The following SWT1 variants were observed in gnomAD, a reference collection of about 807,000 sequenced individuals.
SWT1 encodes SWT1 RNA endoribonuclease homolog.
Under a neutral mutation model 107.3 loss-of-function variants are expected in SWT1, and 33 were observed. That is an observed-to-expected ratio of 0.31 (90% confidence interval 0.23 to 0.41). SWT1 has a LOEUF of 0.41. Ranked by LOEUF, SWT1 falls within the 10% of genes least tolerant of loss-of-function variation. The pLI is 1.00. For missense variants in SWT1, 898 were observed against 1,028.9 expected, an observed-to-expected ratio of 0.87 and a Z score of 1.74; for synonymous variants, 345 against 348.3, an observed-to-expected ratio of 0.99 and a Z score of 0.11.
intron 14 of SWT1, among the ~76,000 whole-genome samples, chr1:185,217,943 C>T (rs1009617078): frequency 6.6e-6 from 1 of 152,098 alleles, no homozygotes; most frequent in Non-Finnish European, 1.5e-5. Flanking sequence ...AAATAAAGTG[C>T]ACAATAAATG....
intron 14 of SWT1, among the ~76,000 whole-genome samples, chr1:185,220,249 T>G (rs1334211978): frequency 2.7e-5 from 4 of 148,664 alleles, no homozygotes; most frequent in Non-Finnish European, 6.0e-5. Context: ...CTTTCTTTCT[T>G]TTTTTTTTTG....
chr1:185,193,481 T>TTC lies in SWT1; in HGVS notation c.1523+2839_1523+2840insTC, dbSNP rs1657123932. On this transcript the variant is annotated intron_variant, in intron 10 of 18. Coordinates refer to ENST00000367500, the MANE Select transcript of SWT1 (RefSeq NM_017673.7). ...CTTTTTCTTTTCTTTTTTTTTTTTT[T>TTC]CCTGAGATGGAGTCTCACTTGGTCG... 2.0e-5 allele frequency among the ~76,000 whole-genome samples: 3 copies of TTC among 151,610 alleles called. No homozygotes were observed. In the East Asian group the frequency reaches 5.8e-4, roughly 29 times the overall value.
rs1571574061 is a variant in SWT1, at chr1:185,233,581, A to G, written c.2441+1873A>G. On this transcript the variant is annotated intron_variant, in intron 16 of 18. Coordinates refer to ENST00000367500, the MANE Select transcript of SWT1 (RefSeq NM_017673.7). The stretch of plus-strand genomic sequence containing the variant: ...ATGTACCCAGTAGTCATTCAGGAGC[A>G]GGTTGTTCACTTTCCATGTAGTTGA... Among the ~76,000 whole-genome samples, 4 of 152,124 alleles carry G rather than the reference A, an allele frequency of 2.6e-5. No individual in the cohort carries two copies. The East Asian group carries it at 5.8e-4, about 22-fold the overall frequency.
At chr1:185,237,074 T>C (rs1029468702) in intron 16 of SWT1, among the ~76,000 whole-genome samples, 18 of 152,184 alleles carry the variant, frequency 1.2e-4, no homozygotes, top group Non-Finnish European at 1.8e-4. Context: ...CTGGAGAGGA[T>C]GTGGAGAAAT....
At chr1:185,190,519 TACTG>T in intron 9 of SWT1, 26 bp from the exon 10 acceptor site, 1 of 1,269,054 alleles carries the variant, frequency 7.9e-7, no homozygotes. Context: ...CTAGTGTACT[TACTG>T]ACTGTTGCCT....
At chr1:185,187,983 G>A (rs748275892) in intron 9 of SWT1, among the ~76,000 whole-genome samples, 4 of 152,152 alleles carry the variant, frequency 2.6e-5, no homozygotes, top group African/African-American at 7.2e-5. Flanking sequence ...GTGAGCCACC[G>A]CGCCTTGCCA....
intron 14 of SWT1, among the ~76,000 whole-genome samples, chr1:185,221,299 G>A (rs1297571807): frequency 6.6e-6 from 1 of 152,058 alleles, no homozygotes; most frequent in African/African-American, 2.4e-5. Context: ...GATTATTTCA[G>A]TAACTTTCTA....
chr1:185,276,236 A>C (rs1279213384), intron 17 of SWT1, among the ~76,000 whole-genome samples: 1 of 152,156 alleles, frequency 6.6e-6, no homozygotes, highest in African/African-American at 2.4e-5. Context: ...TGTAGACCTC[A>C]ATAATCTGAA....
At position 185,217,659 on chromosome 1, in the gene SWT1, G is replaced by A. The variant is rs529150698; in HGVS notation, c.2121+3004G>A. ...TGCCCAGGCTGGAGTACAATGGCAC[G>A]ATCCCAGCTTATTGCAACCTCCACC... On this transcript the variant is annotated intron_variant, in intron 14 of 18. Coordinates refer to ENST00000367500, the MANE Select transcript of SWT1 (RefSeq NM_017673.7). Among the ~76,000 whole-genome samples the A allele has an allele frequency of 9.9e-5, 15 of 151,670 alleles. No homozygotes were observed. The South Asian group carries it at 2.7e-3, about 27-fold the overall frequency.
At chr1:185,253,677 C>G (rs558378166) in intron 16 of SWT1, among the ~76,000 whole-genome samples, 164 of 152,094 alleles carry the variant, frequency 1.1e-3, no homozygotes, top group African/African-American at 2.8e-3. Flanking sequence ...AGGAGATTTT[C>G]GGCTGAGACG....
chr1:185,253,432 A>G (rs1486196818), intron 16 of SWT1, among the ~76,000 whole-genome samples: 1 of 151,824 alleles, frequency 6.6e-6, no homozygotes, highest in African/African-American at 2.4e-5. Flanking sequence ...ATGTTCTTCC[A>G]TTTGTTTGTA....
intron 17 of SWT1, among the ~76,000 whole-genome samples, chr1:185,275,078 A>G (rs1664147763): frequency 6.6e-6 from 1 of 152,242 alleles, no homozygotes; most frequent in Admixed American, 6.5e-5. Context: ...TACTTAAAAA[A>G]AGATCTATTA....
rs200832084 is a variant in SWT1, at chr1:185,160,944, T to C, written c.84+19T>C. 157 of 1,554,132 alleles carry C rather than the reference T, an allele frequency of 1.0e-4. No homozygotes were observed. The African/African-American group carries it at 1.7e-3, about 17-fold the overall frequency. ...TGAAAAAGTAAGAATTTTGATTTAC[T>C]GACCTAGAGATACATTTCAATTTAT... On this transcript the variant is annotated intron_variant, in intron 2 of 18. Coordinates refer to ENST00000367500, the MANE Select transcript of SWT1 (RefSeq NM_017673.7).
Position 185,166,573 on chromosome 1 carries a change from A to G in SWT1, c.86A>G (p.Asp29Gly). Reference sequence around the variant, plus strand: ...TCATTTTCTTTATTGCATTCTTAGGACAAGAAAGAGAGAAAAACCCCAGCA... The same window carrying G: ...TCATTTTCTTTATTGCATTCTTAGGGCAAGAAAGAGAGAAAAACCCCAGCA... ...TTSSPNFGEK[D>G]KKERKTPASS... The change falls in exon 3 of 19, where the codon GAC becomes GGC. Residue 29 changes from aspartate to glycine, a missense_variant and splice_region_variant. Coordinates refer to ENST00000367500, the MANE Select transcript of SWT1 (RefSeq NM_017673.7). 6.3e-7 allele frequency: 1 copy of G among 1,588,146 alleles called. No homozygotes were observed. Among genetic ancestry groups the G allele is most frequent in the Non-Finnish European group, 8.6e-7 (1 of 1,160,576 alleles).
chr1:185,166,651 T>C lies in SWT1; in HGVS notation c.164T>C (p.Leu55Pro). 6.3e-7 allele frequency: 1 copy of C among 1,575,696 alleles called. No individual in the cohort carries two copies. The highest frequency in any genetic ancestry group is 8.7e-7 in the Non-Finnish European group (1 of 1,150,596). The change falls in exon 3 of 19, where the codon CTG becomes CCG. Residue 55 changes from leucine (L) to proline (P), a missense_variant and splice_region_variant. Around this residue, in one of 6 missense-constraint regions of SWT1, gnomAD observed 382 missense variants for 362.4 expected, o/e 1.05. Coordinates refer to ENST00000367500, the MANE Select transcript of SWT1 (RefSeq NM_017673.7). Reference sequence around the variant, plus strand: ...TCAGTTTCATCAGAAAAGAGAAAACTGGTGAGTGTCTAGATATAACTAACT... The same window carrying C: ...TCAGTTTCATCAGAAAAGAGAAAACCGGTGAGTGTCTAGATATAACTAACT... Reference protein sequence around the residue: ...IRSVSSEKRKLKSDHTDVLYY... With the variant: ...IRSVSSEKRKPKSDHTDVLYY...
chr1:185,287,176 C>A (rs1418187026), intron 18 of SWT1, among the ~76,000 whole-genome samples: 1 of 152,052 alleles, frequency 6.6e-6, no homozygotes, highest in African/African-American at 2.4e-5. Context: ...TTCACTAGTA[C>A]CATGCCACTT....
intron 16 of SWT1, among the ~76,000 whole-genome samples, chr1:185,269,335 T>C (rs1663665098): frequency 6.6e-6 from 1 of 152,060 alleles, no homozygotes; most frequent in South Asian, 2.1e-4. Flanking sequence ...CCATATGTAG[T>C]ATTCCTCAGG....
chr1:185,237,745 C>G (rs999732562), intron 16 of SWT1, among the ~76,000 whole-genome samples: 1 of 151,994 alleles, frequency 6.6e-6, no homozygotes, highest in African/African-American at 2.4e-5. Context: ...CTACCTTAAT[C>G]CTATTAAATC....
chr1:185,206,838 A>C, intron 13 of SWT1, 75 bp downstream of exon 13: 1 of 1,069,284 alleles, frequency 9.4e-7, no homozygotes, highest in Non-Finnish European at 1.3e-6. Flanking sequence ...TGGGATGTGA[A>C]GATAAATTAA....
Sources: gnomAD v4.1 joint callset for allele counts (sites outside exome capture counted in the v4.1 genomes callset) on GRCh38, gnomAD v4.1.1 for gene constraint, gnomAD v4.1.1 regional missense constraint, MANE v1.5 for transcripts, NCBI Gene and HGNC (gene_info 2026-07-23, HGNC 2026-07-21) for gene names.